The following RAPGEF5 variants were observed in gnomAD, a reference collection of about 807,000 sequenced individuals.
RAPGEF5 encodes M-Ras-regulated GEF.
A neutral mutation model predicts 125.2 loss-of-function variants in RAPGEF5; 65 were observed. The ratio of observed to expected loss-of-function variants is 0.52; its 90% CI spans 0.43 to 0.64. The LOEUF (loss-of-function observed/expected upper bound fraction) is 0.64, where lower values mean the gene tolerates loss of function less well. RAPGEF5 is among the 30% of genes least tolerant of loss of function. RAPGEF5 has a pLI of 0.00. For missense variants in RAPGEF5, 958 were observed against 1,048.1 expected, an observed-to-expected ratio of 0.91 and a Z score of 1.19; for synonymous variants, 391 against 385.9, an observed-to-expected ratio of 1.01 and a Z score of -0.16.
intron 9 of RAPGEF5, among the ~76,000 whole-genome samples, chr7:22,204,916 A>T (rs1165027580): frequency 6.6e-6 from 1 of 152,208 alleles, no homozygotes; most frequent in Non-Finnish European, 1.5e-5. Context: ...AAAATAAGAC[A>T]AAGATGAATT....
chr7:22,288,331 T>C (rs1782846305), intron 6 of RAPGEF5, among the ~76,000 whole-genome samples: 1 of 152,192 alleles, frequency 6.6e-6, no homozygotes, highest in Non-Finnish European at 1.5e-5. Flanking sequence ...TCTCCAGATG[T>C]TTCCTGCATA....
chr7:22,331,744 CAAA>C (rs11406166), intron 1 of RAPGEF5, among the ~76,000 whole-genome samples: 3 of 94,888 alleles, frequency 3.2e-5, no homozygotes, highest in Admixed American at 1.2e-4. Context: ...GACTCCATCT[CAAA>C]AAAAAAAAAA....
chr7:22,349,031 A>T (rs1784279899), intron 1 of RAPGEF5, among the ~76,000 whole-genome samples: 1 of 151,554 alleles, frequency 6.6e-6, no homozygotes, highest in South Asian at 2.1e-4. Flanking sequence ...TGGACGTTGC[A>T]TGAGCCAAAA....
chr7:22,278,167 G>A (rs1782599652), intron 6 of RAPGEF5, among the ~76,000 whole-genome samples: 2 of 151,994 alleles, frequency 1.3e-5, no homozygotes, highest in African/African-American at 2.4e-5. Flanking sequence ...CCCAACCAGT[G>A]CCCCAAATTC....
intron 7 of RAPGEF5, among the ~76,000 whole-genome samples, chr7:22,262,750 T>C (rs1221280022): frequency 1.3e-5 from 2 of 152,112 alleles, no homozygotes; most frequent in Non-Finnish European, 2.9e-5. Flanking sequence ...TATTCAGCAA[T>C]GAAAAAGAAA....
intron 19 of RAPGEF5, 114 bp downstream of exon 19, chr7:22,146,783 T>A: frequency 2.3e-6 from 3 of 1,279,200 alleles, no homozygotes; most frequent in Non-Finnish European, 3.1e-6. Context: ...TCCCCAAATA[T>A]CTTTTGGACC....
At chr7:22,255,147 A>C (rs968594607) in intron 7 of RAPGEF5, among the ~76,000 whole-genome samples, 7 of 152,192 alleles carry the variant, frequency 4.6e-5, no homozygotes, top group Admixed American at 4.6e-4. Context: ...TGAATACAGG[A>C]TTATAAGGTC....
At chr7:22,335,905 C>T (rs1419592540) in intron 1 of RAPGEF5, among the ~76,000 whole-genome samples, 2 of 152,206 alleles carry the variant, frequency 1.3e-5, no homozygotes, top group Non-Finnish European at 2.9e-5. Context: ...ATCTAAGAGA[C>T]TTTCTGTATA....
chr7:22,143,407 T>C (rs368983006), intron 20 of RAPGEF5, among the ~76,000 whole-genome samples: 69 of 152,296 alleles, frequency 4.5e-4, no homozygotes, highest in African/African-American at 1.5e-3. Flanking sequence ...ACTCTGATCA[T>C]GTCTCCTGCC....
chr7:22,323,201 T>C (rs1783750496), intron 1 of RAPGEF5, among the ~76,000 whole-genome samples: 1 of 152,240 alleles, frequency 6.6e-6, no homozygotes, highest in African/African-American at 2.4e-5. Flanking sequence ...AGTCTACCCT[T>C]TTAATGGCAT....
chr7:22,195,117 G>C (rs907036663), intron 9 of RAPGEF5, among the ~76,000 whole-genome samples: 1 of 152,136 alleles, frequency 6.6e-6, no homozygotes, highest in Admixed American at 6.5e-5. Context: ...CTCCTAGCAC[G>C]TTTCCCCTAC....
intron 11 of RAPGEF5, among the ~76,000 whole-genome samples, chr7:22,178,399 C>T (rs745851197): frequency 6.6e-6 from 1 of 152,178 alleles, no homozygotes; most frequent in Non-Finnish European, 1.5e-5. Flanking sequence ...AGACCAGGGG[C>T]TCAATCCCAC....
chr7:22,302,976 T>C (rs1324729648), intron 5 of RAPGEF5, among the ~76,000 whole-genome samples: 1 of 152,166 alleles, frequency 6.6e-6, no homozygotes, highest in African/African-American at 2.4e-5. Flanking sequence ...GTTTTATGCA[T>C]TCAAGCTTTA....
At chr7:22,344,894 C>G (rs1295718240) in intron 1 of RAPGEF5, among the ~76,000 whole-genome samples, 1 of 152,218 alleles carries the variant, frequency 6.6e-6, no homozygotes, top group African/African-American at 2.4e-5. Flanking sequence ...TGGTAAACAG[C>G]CAGGCATACT....
intron 7 of RAPGEF5, among the ~76,000 whole-genome samples, chr7:22,253,203 C>G (rs768751797): frequency 7.9e-5 from 12 of 152,198 alleles, no homozygotes; most frequent in Non-Finnish European, 1.8e-4. Flanking sequence ...TAGGAATCAT[C>G]AATCAATTAG....
chr7:22,326,414 T>C (rs1783814962), intron 1 of RAPGEF5, among the ~76,000 whole-genome samples: 1 of 152,182 alleles, frequency 6.6e-6, no homozygotes, highest in Non-Finnish European at 1.5e-5. Context: ...TCTGGCTGCT[T>C]TACTGCTACA....
chr7:22,276,162 G>A (rs961357815), intron 6 of RAPGEF5, among the ~76,000 whole-genome samples: 13 of 151,992 alleles, frequency 8.6e-5, no homozygotes, highest in Admixed American at 7.2e-4. Context: ...AAAATAAAAC[G>A]TTATGTTTAC....
chr7:22,320,862 T>G (rs1195091718), intron 1 of RAPGEF5, among the ~76,000 whole-genome samples: 1 of 152,194 alleles, frequency 6.6e-6, no homozygotes, highest in African/African-American at 2.4e-5. Context: ...AGCCCATGAA[T>G]TCTTTTTCTT....
intron 11 of RAPGEF5, chr7:22,192,454 C>A (rs1486936909): frequency 6.6e-6 from 1 of 152,186 alleles, no homozygotes; most frequent in African/African-American, 2.4e-5. Context: ...CTTGTTCCCA[C>A]CTAAGCTGTC....
Sources: gnomAD v4.1 joint callset for allele counts (sites outside exome capture counted in the v4.1 genomes callset) on GRCh38, gnomAD v4.1.1 for gene constraint, MANE v1.5 for transcripts, NCBI Gene and HGNC (gene_info 2026-07-23, HGNC 2026-07-21) for gene names.